Variants in CADPS observed in about 807,000 individuals in gnomAD.
CADPS encodes calcium-dependent secretion activator 1.
Under a neutral mutation model 167.3 loss-of-function variants are expected in CADPS, and 57 were observed. The ratio of observed to expected loss-of-function variants is 0.34; its 90% CI spans 0.28 to 0.42. The LOEUF is 0.42. CADPS is among the 20% of genes least tolerant of loss of function. The pLI, the probability that CADPS is intolerant of heterozygous loss-of-function variation, is 1.00. For synonymous variants in CADPS, 676 were observed against 635.3 expected, an observed-to-expected ratio of 1.06 and a Z score of -0.96; for missense variants, 1,414 against 1,738.1, an observed-to-expected ratio of 0.81 and a Z score of 3.32.
At chr3:62,856,110 G>C (rs1030885500) in intron 1 of CADPS, among the ~76,000 whole-genome samples, 2 of 152,102 alleles carry the variant, frequency 1.3e-5, no homozygotes, top group Admixed American at 1.3e-4. Flanking sequence ...AATTATTCTT[G>C]GTGAGCATAT....
Position 62,544,876 on chromosome 3 carries a change from TA to T in CADPS, c.1966+5026del. 1 of 1,240,438 alleles carries T rather than the reference TA, an allele frequency of 8.1e-7. No individual in the cohort carries two copies. The highest frequency in any genetic ancestry group is 1.0e-6 in the Non-Finnish European group (1 of 964,648). 76.8% of individuals were successfully genotyped at this position (1,240,438 alleles called of 1,614,324 possible). On this transcript the variant is annotated intron_variant, in intron 11 of 29. Transcript: ENST00000383710. The surrounding 1 kb of genome is among the most constrained non-coding windows in gnomAD (Gnocchi z 4.4). ...TCAGTCCAGCTAGAAGTTAGCAGGG[TA>T]AGAAGGAACAAACCAGAATAACATA...
chr3:62,470,383 C>T (rs976827890), intron 24 of CADPS, among the ~76,000 whole-genome samples: 1 of 152,194 alleles, frequency 6.6e-6, no homozygotes, highest in African/African-American at 2.4e-5. Flanking sequence ...AAACATTGGA[C>T]TTTCATCTAT....
At chr3:62,859,009 C>G (rs1212250203) in intron 1 of CADPS, among the ~76,000 whole-genome samples, 2 of 152,006 alleles carry the variant, frequency 1.3e-5, no homozygotes, top group African/African-American at 4.8e-5. Flanking sequence ...GTGCTGGAAA[C>G]AAAAGACTAT....
intron 1 of CADPS, chr3:62,814,261 C>A (rs1326248005): frequency 2.0e-5 from 3 of 151,982 alleles, no homozygotes; most frequent in Non-Finnish European, 2.9e-5. Context: ...GTAACAGAAG[C>A]CACACATGTA....
intron 3 of CADPS, among the ~76,000 whole-genome samples, chr3:62,729,213 C>G (rs553973528): frequency 6.6e-5 from 10 of 151,932 alleles, no homozygotes; most frequent in African/African-American, 2.4e-4. Context: ...AGCCATTGCT[C>G]TCTCTCAATG....
intron 2 of CADPS, among the ~76,000 whole-genome samples, chr3:62,755,874 C>T (rs532579747): frequency 4.6e-5 from 7 of 152,150 alleles, no homozygotes; most frequent in African/African-American, 1.7e-4. Context: ...TCCATCTAAC[C>T]AACACATTAT....
chr3:62,541,068 T>G (rs979571860), intron 11 of CADPS, among the ~76,000 whole-genome samples: 1 of 152,194 alleles, frequency 6.6e-6, no homozygotes, highest in African/African-American at 2.4e-5. Flanking sequence ...GTAAAGTGGC[T>G]GCTTAAAACC....
chr3:62,869,387 G>C (rs1199779950), intron 1 of CADPS, among the ~76,000 whole-genome samples: 2 of 152,026 alleles, frequency 1.3e-5, no homozygotes, highest in African/African-American at 4.8e-5. Flanking sequence ...CTGTCACTTA[G>C]AACCAACAGA....
intron 1 of CADPS, among the ~76,000 whole-genome samples, chr3:62,823,803 C>G (rs746371497): frequency 3.3e-5 from 5 of 152,162 alleles, no homozygotes; most frequent in Non-Finnish European, 7.3e-5. Context: ...AAAGCAATTA[C>G]TATTTCAATT....
chr3:62,856,610 A>G (rs2153146955), intron 1 of CADPS, among the ~76,000 whole-genome samples: 1 of 152,198 alleles, frequency 6.6e-6, no homozygotes, highest in South Asian at 2.1e-4. Context: ...CAATGATTGA[A>G]TCACCATAGT....
intron 3 of CADPS, among the ~76,000 whole-genome samples, chr3:62,730,700 C>T (rs1466654615): frequency 6.6e-6 from 1 of 152,200 alleles, no homozygotes; most frequent in Non-Finnish European, 1.5e-5. Context: ...AAACTGCTTT[C>T]TCCTGCAGAA....
chr3:62,764,634 G>C (rs2086380060), intron 2 of CADPS, among the ~76,000 whole-genome samples: 1 of 152,174 alleles, frequency 6.6e-6, no homozygotes, highest in Admixed American at 6.5e-5. Context: ...AAGTGCTTTA[G>C]CAAGTGGGAA....
At chr3:62,808,815 T>G (rs1296266472) in intron 1 of CADPS, among the ~76,000 whole-genome samples, 1 of 152,132 alleles carries the variant, frequency 6.6e-6, no homozygotes, top group African/African-American at 2.4e-5. Context: ...GATCCAATGC[T>G]TAACGGATGC....
rs140959512 is a variant in CADPS, at chr3:62,464,849, C to T, written c.3636+518G>A. Among the ~76,000 whole-genome samples the T allele has an allele frequency of 2.0e-3, 308 of 152,028 alleles. 1 individual carries two copies. Among genetic ancestry groups the T allele is most frequent in the African/African-American group, 7.1e-3 (296 of 41,466 alleles). ...ACAGCTCCAGCAGAGTTGCTGTGCA[C>T]CTAGAATGCTATGCAGGCACCCCCA... On this transcript the variant is annotated intron_variant, in intron 26 of 29. Coordinates refer to ENST00000383710, the MANE Select transcript of CADPS (RefSeq NM_003716.4).
At position 62,647,137 on chromosome 3, in the gene CADPS, T is replaced by C. The variant is rs1304411806; in HGVS notation, c.1204-1294A>G. Among the ~76,000 whole-genome samples the C allele has an allele frequency of 5.3e-5, 8 of 152,176 alleles. No individual in the cohort carries two copies. In the South Asian group the frequency reaches 1.4e-3, roughly 28 times the overall value. On this transcript the variant is annotated intron_variant, in intron 5 of 29. Coordinates refer to ENST00000383710, the MANE Select transcript of CADPS (RefSeq NM_003716.4). Reference sequence around the variant, plus strand: ...AAACAAATGACTCACATCAGAGATATACAATTAGTCCTTATACATGAAAAA... The same window carrying C: ...AAACAAATGACTCACATCAGAGATACACAATTAGTCCTTATACATGAAAAA...
At chr3:62,490,181 G>C (rs891967580) in intron 21 of CADPS, among the ~76,000 whole-genome samples, 1 of 152,128 alleles carries the variant, frequency 6.6e-6, no homozygotes, top group South Asian at 2.1e-4. Context: ...ACTGAGGAAA[G>C]GCCTCATGAA....
At chr3:62,524,382 C>T (rs1412429915) in intron 13 of CADPS, among the ~76,000 whole-genome samples, 1 of 152,178 alleles carries the variant, frequency 6.6e-6, no homozygotes. Flanking sequence ...CCTTCCAGCC[C>T]ATGCCCTTTT....
chr3:62,473,486 TG>T (rs1462277545), intron 24 of CADPS, among the ~76,000 whole-genome samples: 1 of 152,208 alleles, frequency 6.6e-6, no homozygotes, highest in Non-Finnish European at 1.5e-5. Flanking sequence ...AATTCTAAAT[TG>T]GTATATGAAT....
chr3:62,550,599 A>G (rs994456249), intron 10 of CADPS, among the ~76,000 whole-genome samples: 1 of 152,152 alleles, frequency 6.6e-6, no homozygotes, highest in Non-Finnish European at 1.5e-5. Flanking sequence ...TACGTCCGGA[A>G]CAGAGCTTGA....
Sources: allele counts gnomAD v4.1 joint callset (sites outside exome capture counted in the v4.1 genomes callset), GRCh38; gene constraint gnomAD v4.1.1; non-coding constraint Gnocchi (gnomAD v3.1); transcripts MANE v1.5; gene names NCBI Gene and HGNC (gene_info 2026-07-23, HGNC 2026-07-21).